GIPC2: variants seen among roughly 807,000 people sequenced by gnomAD.
The protein encoded by GIPC2 is PDZ domain-containing protein GIPC2.
Under a neutral mutation model 30.6 loss-of-function variants are expected in GIPC2, and 30 were observed. The ratio of observed to expected loss-of-function variants is 0.98; its 90% confidence interval spans 0.73 to 1.33. GIPC2 has a LOEUF of 1.33. GIPC2 is among the 40% of genes most tolerant of loss of function. GIPC2 has a pLI of 0.00. For synonymous variants in GIPC2, 167 were observed against 150.0 expected, an observed-to-expected ratio of 1.11 and a Z score of -0.83; for missense variants, 414 against 390.3, an observed-to-expected ratio of 1.06 and a Z score of -0.51.
intron 2 of GIPC2, among the ~76,000 whole-genome samples, chr1:78,093,701 T>G (rs1472045018): frequency 1.3e-5 from 2 of 152,184 alleles, no homozygotes; most frequent in Admixed American, 6.5e-5. Context: ...GATGTTATAC[T>G]TCCACCTAGC....
chr1:78,058,092 T>C (rs1297230345), intron 1 of GIPC2, among the ~76,000 whole-genome samples: 1 of 152,202 alleles, frequency 6.6e-6, no homozygotes, highest in Non-Finnish European at 1.5e-5. Flanking sequence ...CTCTGTGCCA[T>C]ATACTCTTAA....
chr1:78,066,094 A>C (rs1462948406), intron 1 of GIPC2, among the ~76,000 whole-genome samples: 2 of 152,246 alleles, frequency 1.3e-5, no homozygotes, highest in African/African-American at 4.8e-5. Context: ...AACTATCAGC[A>C]GAGTAAACAG....
At chr1:78,053,863 G>A (rs1661241734) in intron 1 of GIPC2, among the ~76,000 whole-genome samples, 1 of 151,704 alleles carries the variant, frequency 6.6e-6, no homozygotes, top group Non-Finnish European at 1.5e-5. Context: ...CGGAGTTTGA[G>A]GCTGCAGTGA....
Position 78,135,624 on chromosome 1 carries a change from G to A in GIPC2, c.829G>A (p.Val277Ile), listed in dbSNP as rs762260618. ...TTMFEAGKDK[V>I]NPDEFAVALD... Reference sequence around the variant, plus strand: ...AATGTTTGAAGCTGGAAAGGACAAAGTAAATCCAGATGAATTTGCTGTGGC... The same window carrying A: ...AATGTTTGAAGCTGGAAAGGACAAAATAAATCCAGATGAATTTGCTGTGGC... Residue 277 changes from valine to isoleucine, a missense_variant, in exon 6 of 6, where the codon GTA becomes ATA. Physicochemically the swap from Val to Ile is conservative, Grantham distance 29. Coordinates refer to ENST00000370759, the MANE Select transcript of GIPC2 (RefSeq NM_017655.6). 33 of 1,601,100 alleles carry A rather than the reference G, an allele frequency of 2.1e-5. No homozygotes were observed. The highest frequency in any genetic ancestry group is 1.9e-4 in the Admixed American group (11 of 58,822).
At chr1:78,087,076 T>C (rs1661942412) in intron 2 of GIPC2, among the ~76,000 whole-genome samples, 1 of 152,132 alleles carries the variant, frequency 6.6e-6, no homozygotes, top group Non-Finnish European at 1.5e-5. Context: ...GGTACAGTGC[T>C]CAGAGAAATT....
rs1314497380 is a variant in GIPC2, at chr1:78,080,859, A to G, written c.425A>G (p.Lys142Arg). The G allele has an allele frequency of 9.6e-6, 15 of 1,568,590 alleles. No homozygotes were observed. Among genetic ancestry groups the G allele is most frequent in the Admixed American group, 1.8e-5 (1 of 54,422 alleles). Residue 142 changes from lysine to arginine, a missense_variant and splice_region_variant, in exon 2 of 6, where the codon AAG becomes AGG. By Grantham distance (26) the Lys-to-Arg change is conservative. Coordinates refer to ENST00000370759, the MANE Select transcript of GIPC2 (RefSeq NM_017655.6). ...TDNGVGYAFI[K>R]RIKDGGVIDS... is the part of the protein sequence containing the mutation. ...AATGGTGTTGGCTATGCTTTTATAA[A>G]GGTAAGTTTTAAAAAATAACAGTGT...
At chr1:78,077,243 T>A (rs1005714650) in intron 1 of GIPC2, among the ~76,000 whole-genome samples, 10 of 152,220 alleles carry the variant, frequency 6.6e-5, no homozygotes, top group Admixed American at 6.5e-4. Context: ...GAAAACCATC[T>A]TAATAATTTT....
intron 1 of GIPC2, among the ~76,000 whole-genome samples, chr1:78,063,140 C>A (rs772162723): frequency 6.6e-6 from 1 of 152,150 alleles, no homozygotes; most frequent in African/African-American, 2.4e-5. Context: ...ATAATTGATT[C>A]CTTAACTCTA....
intron 3 of GIPC2, among the ~76,000 whole-genome samples, chr1:78,110,783 G>A (rs1381730771): frequency 6.6e-6 from 1 of 152,184 alleles, no homozygotes; most frequent in Non-Finnish European, 1.5e-5. Context: ...TTGAGTCTCT[G>A]CTTATGAATC....
chr1:78,081,096 G>A (rs888791689), intron 2 of GIPC2, among the ~76,000 whole-genome samples: 8 of 152,086 alleles, frequency 5.3e-5, no homozygotes, highest in African/African-American at 1.9e-4. Context: ...TAACTGAAAG[G>A]AAAGTCTAAC....
intron 3 of GIPC2, among the ~76,000 whole-genome samples, chr1:78,110,252 G>A (rs941403604): frequency 5.9e-5 from 9 of 152,114 alleles, no homozygotes; most frequent in African/African-American, 2.2e-4. Flanking sequence ...TATACCTTGA[G>A]AGATATCTGA....
intron 2 of GIPC2, among the ~76,000 whole-genome samples, chr1:78,086,653 GA>G (rs1159837634): frequency 6.6e-6 from 1 of 152,080 alleles, no homozygotes; most frequent in Non-Finnish European, 1.5e-5. Context: ...TGTCTTGTCA[GA>G]TTGAACCCTT....
rs779654406 is a variant in GIPC2 at position 78,080,684 on chromosome 1, T to G, written c.250T>G (p.Cys84Gly). 1.9e-6 allele frequency: 3 copies of G among 1,590,684 alleles called. No individual in the cohort carries two copies. The African/African-American group carries it at 4.0e-5, about 21-fold the overall frequency. ...FEISPSEILY[C>G]TLNTPKIDME... The stretch of plus-strand genomic sequence containing the variant: ...TTATTTTTCTTTGCAGATCTTATAT[T>G]GCACTTTAAACACACCTAAAATTGA... Residue 84 changes from cysteine (C) to glycine (G), a missense_variant, in exon 2 of 6, where the codon TGC becomes GGC. Cys to Gly is a radical substitution (Grantham distance 159). Transcript: ENST00000370759.
intron 1 of GIPC2, among the ~76,000 whole-genome samples, chr1:78,066,364 T>C (rs769691439): frequency 2.0e-5 from 3 of 152,134 alleles, no homozygotes; most frequent in Admixed American, 6.5e-5. Context: ...GAATAGTTAT[T>C]ATTAAAAAGT....
chr1:78,080,556 G>T, intron 1 of GIPC2, 119 bp from the exon 2 acceptor site: 1 of 591,276 alleles, frequency 1.7e-6, no homozygotes, highest in Non-Finnish European at 2.9e-6. Flanking sequence ...CACATTTTAT[G>T]ATGTAACTCT....
At chr1:78,129,697 T>G (rs651413) in intron 5 of GIPC2, among the ~76,000 whole-genome samples, 40,364 of 151,950 alleles carry the variant, frequency 0.27, 6,020 homozygotes, top group East Asian at 0.77. Flanking sequence ...ATGAAAAAAA[T>G]TAAGCGTTCT....
chr1:78,067,749 C>T (rs1661546718), intron 1 of GIPC2, among the ~76,000 whole-genome samples: 2 of 152,184 alleles, frequency 1.3e-5, no homozygotes, highest in African/African-American at 4.8e-5. Context: ...CTGCACCTCG[C>T]CTCAAATTTT....
At position 78,138,191 on chromosome 1, in the gene GIPC2, A is replaced by G. The variant is rs1334248459; in HGVS notation, c.*2448A>G. 6.6e-6 allele frequency: 1 copy of G among 152,152 alleles called. No homozygotes were observed. Among genetic ancestry groups the G allele is most frequent in the African/African-American group, 2.4e-5 (1 of 41,436 alleles). The allele number at this position is 152,152 out of a possible 1,614,324, so 9.4% of individuals were successfully genotyped here. ...TTGAACATAGCTGAGTCCTAATCAG[A>G]TGTATATACTCTGATGATTACAAAT... is the stretch of plus-strand genomic sequence containing the variant. On this transcript the variant is annotated 3_prime_UTR_variant, in exon 6 of 6. Coordinates refer to ENST00000370759, the MANE Select transcript of GIPC2 (RefSeq NM_017655.6).
At chr1:78,072,672 A>G (rs747474239) in intron 1 of GIPC2, among the ~76,000 whole-genome samples, 4 of 152,200 alleles carry the variant, frequency 2.6e-5, no homozygotes, top group Non-Finnish European at 5.9e-5. Context: ...CTTTGAAGAA[A>G]AGTCTTTGAG....
Sources: gnomAD v4.1 joint callset for allele counts (sites outside exome capture counted in the v4.1 genomes callset) on GRCh38, gnomAD v4.1.1 for gene constraint, MANE v1.5 for transcripts, NCBI Gene and HGNC (gene_info 2026-07-23, HGNC 2026-07-21) for gene names.